The following CARNMT1 variants were observed in gnomAD, a reference collection of about 807,000 sequenced individuals.
CARNMT1 encodes carnosine N-methyltransferase 1, also known as protein-L-histidine N-pros-methyltransferase CARNMT1.
In CARNMT1, 28 loss-of-function variants were observed where a neutral mutation model predicts 49.6. That is an observed-to-expected ratio of 0.56 (90% CI 0.42 to 0.77). The LOEUF is 0.77. Among genes scored for constraint, CARNMT1 ranks in the 30% least tolerant of loss-of-function variants. The pLI, the probability that CARNMT1 is intolerant of heterozygous loss-of-function variation, is 0.00. For synonymous variants in CARNMT1, 178 were observed against 175.0 expected (o/e 1.02, Z -0.13); for missense variants, 421 against 512.6 (o/e 0.82, Z 1.73).
At chr9:75,001,414 C>T (rs1377862305) in intron 3 of CARNMT1, among the ~76,000 whole-genome samples, 1 of 152,126 alleles carries the variant, frequency 6.6e-6, no homozygotes, top group Non-Finnish European at 1.5e-5. Flanking sequence ...AACTCTCCAC[C>T]TCAACCTAAT....
chr9:74,998,939 C>T (rs1486624084), intron 4 of CARNMT1, among the ~76,000 whole-genome samples, 163 bp from the exon 5 acceptor site: 2 of 151,666 alleles, frequency 1.3e-5, no homozygotes, highest in Non-Finnish European at 2.9e-5. Flanking sequence ...TGTACATATA[C>T]ATGTAGATGA....
intron 1 of CARNMT1, among the ~76,000 whole-genome samples, chr9:75,027,748 C>A (rs1265051716): frequency 1.3e-5 from 2 of 152,206 alleles, no homozygotes; most frequent in Non-Finnish European, 2.9e-5. Context: ...TTTACGAGGA[C>A]GGAGGCAGGA....
rs750671063 is a variant in CARNMT1 at position 75,028,167 on chromosome 9, G to C, written c.75C>G (p.Ser25Arg). The C allele has an allele frequency of 1.2e-5, 19 of 1,525,830 alleles. No individual in the cohort carries two copies. Among genetic ancestry groups the C allele is most frequent in the Non-Finnish European group, 1.6e-5 (18 of 1,137,964 alleles). 94.5% of individuals were successfully genotyped at this position (1,525,830 alleles called of 1,614,324 possible). ...PEGCGGGGGG[S>R]EEVEVQFSAG... Reference sequence around the variant, plus strand: ...CGGAAAACTGCACTTCCACCTCCTCGCTGCCACCGCCTCCTCCCCCGCAGC... The same window carrying C: ...CGGAAAACTGCACTTCCACCTCCTCCCTGCCACCGCCTCCTCCCCCGCAGC... The change falls in exon 1 of 8, where the codon AGC becomes AGG. Residue 25 changes from serine to arginine, a missense_variant. Around this residue, in one of 2 missense-constraint regions of CARNMT1, gnomAD observed 186 missense variants for 167.9 expected, o/e 1.11. Transcript: ENST00000376834.
chr9:74,998,941 T>A (rs1224306226), intron 4 of CARNMT1, among the ~76,000 whole-genome samples, 165 bp from the exon 5 acceptor site: 1 of 152,160 alleles, frequency 6.6e-6, no homozygotes, highest in South Asian at 2.1e-4. Context: ...TACATATACA[T>A]GTAGATGAGC....
chr9:75,008,134 A>G (rs1210064077), intron 3 of CARNMT1, among the ~76,000 whole-genome samples: 1 of 142,936 alleles, frequency 7.0e-6, no homozygotes, highest in Non-Finnish European at 1.5e-5. Flanking sequence ...GTCTTGGGCC[A>G]CACATAAAAT....
intron 3 of CARNMT1, 73 bp downstream of exon 3, chr9:75,016,195 G>A: frequency 8.6e-7 from 1 of 1,169,322 alleles, no homozygotes; most frequent in Non-Finnish European, 1.2e-6. Flanking sequence ...AAGCGAGACT[G>A]TGAAACATTT....
At chr9:74,999,663 C>A (rs994902277) in intron 4 of CARNMT1, 67 bp downstream of exon 4, 1 of 1,426,406 alleles carries the variant, frequency 7.0e-7, no homozygotes, top group Non-Finnish European at 9.5e-7. Flanking sequence ...CAAAATTGTT[C>A]AAGAAAATAG....
Position 74,982,753 on chromosome 9 carries a change from G to A in CARNMT1, c.*1014C>T, listed in dbSNP as rs957675036. ...TGTAAACATCACACTGTCAAACTCT[G>A]TATTCATTTAGAGTCTGAAAATCAC... On this transcript the variant is annotated 3_prime_UTR_variant, in exon 8 of 8. Transcript: ENST00000376834. 5 of 152,018 alleles carry A rather than the reference G, an allele frequency of 3.3e-5. No homozygotes were observed. The highest frequency in any genetic ancestry group is 7.2e-5 in the African/African-American group (3 of 41,398). 9.4% of individuals were successfully genotyped at this position (152,018 alleles called of 1,614,324 possible). A position where few individuals can be genotyped will look rare whatever the true frequency, so the allele number is the denominator to read the frequency against.
At chr9:75,016,959 G>A in intron 2 of CARNMT1, 1 of 409,896 alleles carries the variant, frequency 2.4e-6, no homozygotes. Context: ...TTTCTAGCTA[G>A]TAAAGTTGCT....
chr9:75,016,590 G>GA, intron 2 of CARNMT1, 159 bp from the exon 3 acceptor site: 1 of 628,556 alleles, frequency 1.6e-6, no homozygotes, highest in Non-Finnish European at 2.7e-6. Flanking sequence ...GATCCTAAAT[G>GA]AAAAGAGTTT....
intron 2 of CARNMT1, 74 bp downstream of exon 2, chr9:75,017,179 T>C (rs1433432238): frequency 1.7e-6 from 2 of 1,150,762 alleles, no homozygotes; most frequent in African/African-American, 1.5e-5. Flanking sequence ...AAAAATGAAA[T>C]CCAGAAAATA....
At chr9:75,023,712 T>C (rs567863024) in intron 1 of CARNMT1, among the ~76,000 whole-genome samples, 47 of 152,354 alleles carry the variant, frequency 3.1e-4, no homozygotes, top group Non-Finnish European at 5.4e-4. Flanking sequence ...CAGGGGCCCA[T>C]TGGCTACCTG....
At chr9:75,011,979 T>A (rs1404078616) in intron 3 of CARNMT1, among the ~76,000 whole-genome samples, 9 of 152,092 alleles carry the variant, frequency 5.9e-5, no homozygotes, top group Admixed American at 5.2e-4. Flanking sequence ...CCTTGTAAGC[T>A]CCTACACAGA....
chr9:74,986,818 T>A (rs1832857066), intron 6 of CARNMT1, among the ~76,000 whole-genome samples: 1 of 152,350 alleles, frequency 6.6e-6, no homozygotes, highest in Admixed American at 6.5e-5. Flanking sequence ...AATGCTGTGT[T>A]GCATTGCTCA....
At position 75,028,136 on chromosome 9, in the gene CARNMT1, G is replaced by A; in HGVS notation, c.106C>T (p.Arg36Cys). The A allele has an allele frequency of 3.2e-6, 5 of 1,549,642 alleles. No individual in the cohort carries two copies. In the African/African-American group the frequency reaches 4.3e-5, roughly 13 times the overall value. ...GAAACCGCCGCGGCCGAGCCCCAAC[G>A]CCCGGCGGAAAACTGCACTTCCACC... ...EEVEVQFSAG[R>C]WGSAAAVSAA... Residue 36 changes from arginine to cysteine, a missense_variant, in exon 1 of 8, where the codon CGT becomes TGT. By Grantham distance (180) the Arg-to-Cys change is radical (BLOSUM62 -3). Transcript: ENST00000376834.
chr9:74,984,241 G>C (rs975563116), intron 7 of CARNMT1, among the ~76,000 whole-genome samples: 4 of 152,076 alleles, frequency 2.6e-5, no homozygotes, highest in Admixed American at 2.0e-4. Context: ...ATTAAAAAAA[G>C]ATGAAGCAGT....
intron 1 of CARNMT1, among the ~76,000 whole-genome samples, chr9:75,019,331 A>G (rs1833936236): frequency 6.6e-6 from 1 of 152,146 alleles, no homozygotes; most frequent in Non-Finnish European, 1.5e-5. Context: ...AGAATATTTT[A>G]CCCCAAAATA....
chr9:74,982,739 C>T lies in CARNMT1; in HGVS notation c.*1028G>A, dbSNP rs372600944. 2.6e-5 allele frequency: 4 copies of T among 152,166 alleles called. No individual in the cohort carries two copies. The highest frequency in any genetic ancestry group is 2.6e-4 in the Admixed American group (4 of 15,278). 9.4% of individuals were successfully genotyped at this position (152,166 alleles called of 1,614,324 possible). On this transcript the variant is annotated 3_prime_UTR_variant, in exon 8 of 8. Coordinates refer to ENST00000376834, the MANE Select transcript of CARNMT1 (RefSeq NM_152420.3). ...AGAAAAGACATTATTGTAAACATCA[C>T]ACTGTCAAACTCTGTATTCATTTAG...
intron 2 of CARNMT1, chr9:75,016,709 C>T (rs190428081): frequency 4.4e-4 from 152 of 343,138 alleles, no homozygotes; most frequent in African/African-American, 2.9e-3. Flanking sequence ...GCTATGGAGA[C>T]CGAACATCCT....
Sources: allele counts gnomAD v4.1 joint callset (sites outside exome capture counted in the v4.1 genomes callset), GRCh38; gene constraint gnomAD v4.1.1; regional missense constraint gnomAD v4.1.1; transcripts MANE v1.5; gene names NCBI Gene and HGNC (gene_info 2026-07-23, HGNC 2026-07-21).